Variants in RAB30 observed in about 807,000 individuals in gnomAD.
RAB30 encodes ras-related protein Rab-30.
In RAB30, 9 loss-of-function variants were observed where a neutral mutation model predicts 25.1. That is an observed-to-expected ratio of 0.36 (90% CI 0.22 to 0.63). The LOEUF (loss-of-function observed/expected upper bound fraction) is 0.63. Ranked by LOEUF, RAB30 falls within the 20% of genes least tolerant of loss-of-function variation. The pLI, the probability that RAB30 is intolerant of heterozygous loss-of-function variation, is 0.69. For synonymous variants in RAB30, 77 were observed against 86.4 expected, an observed-to-expected ratio of 0.89 and a Z score of 0.60; for missense variants, 140 against 243.5, an observed-to-expected ratio of 0.58 and a Z score of 2.83.
chr11:82,989,939 C>G (rs1856817543), intron 3 of RAB30, among the ~76,000 whole-genome samples: 1 of 152,210 alleles, frequency 6.6e-6, no homozygotes, highest in Non-Finnish European at 1.5e-5. Context: ...GAATAAAACA[C>G]AGGGAGGATA....
intron 1 of RAB30, among the ~76,000 whole-genome samples, chr11:83,047,931 T>C (rs79191289): frequency 0.016 from 2,432 of 152,268 alleles, 66 homozygotes; most frequent in East Asian, 0.09. Flanking sequence ...ATCTAGAGAT[T>C]CTGCCTTTTC....
chr11:83,006,560 C>T (rs563529480), intron 1 of RAB30, among the ~76,000 whole-genome samples: 1 of 152,330 alleles, frequency 6.6e-6, no homozygotes, highest in African/African-American at 2.4e-5. Context: ...TAATATTTAG[C>T]TCTTTCTAGG....
intron 1 of RAB30, among the ~76,000 whole-genome samples, chr11:83,009,935 A>T (rs1171239896): frequency 2.0e-5 from 3 of 152,162 alleles, no homozygotes; most frequent in Non-Finnish European, 2.9e-5. Flanking sequence ...CTATTTACTT[A>T]CTTTTACTTT....
chr11:82,975,548 T>C lies in RAB30; in HGVS notation c.*6617A>G, dbSNP rs1856531507. 1 of 152,132 alleles carries C rather than the reference T, an allele frequency of 6.6e-6. No individual in the cohort carries two copies. Among genetic ancestry groups the C allele is most frequent in the Non-Finnish European group, 1.5e-5 (1 of 67,998 alleles). 9.4% of individuals were successfully genotyped at this position (152,132 alleles called of 1,614,324 possible). A position where few individuals can be genotyped will look rare whatever the true frequency, so the allele number is the denominator to read the frequency against. Reference sequence around the variant, plus strand: ...TTTTGGATGTTGGTAATTATGTACATCAAATAATGTCATATATGAAATTAA... The same window carrying C: ...TTTTGGATGTTGGTAATTATGTACACCAAATAATGTCATATATGAAATTAA... On this transcript the variant is annotated 3_prime_UTR_variant, in exon 5 of 5. Transcript: ENST00000527633.
intron 4 of RAB30, among the ~76,000 whole-genome samples, chr11:82,985,648 G>T (rs1267241183): frequency 6.7e-6 from 1 of 150,252 alleles, no homozygotes; most frequent in African/African-American, 2.4e-5. Flanking sequence ...AAAAATGAGA[G>T]TGGAAACTTC....
At chr11:83,031,492 A>G (rs1032062866) in intron 1 of RAB30, among the ~76,000 whole-genome samples, 1 of 151,960 alleles carries the variant, frequency 6.6e-6, no homozygotes. Context: ...ACATTTGGGT[A>G]AGAATATTCC....
chr11:83,024,160 T>C (rs914128926), intron 1 of RAB30, among the ~76,000 whole-genome samples: 16 of 152,180 alleles, frequency 1.1e-4, no homozygotes, highest in Non-Finnish European at 7.3e-5. Flanking sequence ...ATCACCAACT[T>C]GAAAGGTTAG....
At position 82,973,375 on chromosome 11, in the gene RAB30, C is replaced by T. The variant is rs1360959780; in HGVS notation, c.*8790G>A. Reference sequence around the variant, plus strand: ...CAAACTTTTTTCAAGAAGCAAAGTCCAATTTTAAAAGACAGACAATATATA... The same window carrying T: ...CAAACTTTTTTCAAGAAGCAAAGTCTAATTTTAAAAGACAGACAATATATA... On this transcript the variant is annotated 3_prime_UTR_variant, in exon 5 of 5. Transcript: ENST00000527633. 6.6e-6 allele frequency: 1 copy of T among 152,042 alleles called. No individual in the cohort carries two copies. Among genetic ancestry groups the T allele is most frequent in the African/African-American group, 2.4e-5 (1 of 41,414 alleles). The allele number at this position is 152,042 out of a possible 1,614,324, so 9.4% of individuals were successfully genotyped here. A position where few individuals can be genotyped will look rare whatever the true frequency, so the allele number is the denominator to read the frequency against.
chr11:83,014,676 AAGAAAGAAAG>A (rs1372817860), intron 1 of RAB30, among the ~76,000 whole-genome samples: 258 of 145,852 alleles, frequency 1.8e-3, no homozygotes, highest in African/African-American at 6.4e-3. Flanking sequence ...GAAAGAAAGA[AAGAAAGAAAG>A]AAAGAAAGAG....
At chr11:82,982,723 G>A (rs1445432636) in intron 4 of RAB30, among the ~76,000 whole-genome samples, 1 of 152,078 alleles carries the variant, frequency 6.6e-6, no homozygotes, top group Non-Finnish European at 1.5e-5. Flanking sequence ...TTAGCCAGGT[G>A]TGGTGGCACG....
chr11:82,987,577 C>T lies in RAB30; in HGVS notation c.361+10G>A, dbSNP rs765197070. On this transcript the variant is annotated intron_variant, in intron 4 of 4. Coordinates refer to ENST00000527633, the MANE Select transcript of RAB30 (RefSeq NM_001286060.2). ...CAAATCAATTTCCCTCCTCGTTAGC[C>T]CTTACTTACCCACTAACACAGTGAT... 2 of 1,596,030 alleles carry T rather than the reference C, an allele frequency of 1.3e-6. No individual in the cohort carries two copies. The highest frequency in any genetic ancestry group is 1.3e-5 in the African/African-American group (1 of 74,324).
chr11:83,019,480 T>C (rs11233422), intron 1 of RAB30, among the ~76,000 whole-genome samples: 35,609 of 152,138 alleles, frequency 0.23, 4,566 homozygotes, highest in Admixed American at 0.29. Flanking sequence ...CTGTTTTCTA[T>C]GCCTACCCTG....
rs968165710 is a variant in RAB30 at position 82,977,737 on chromosome 11, T to C, written c.*4428A>G. The C allele has an allele frequency of 2.0e-5, 3 of 152,206 alleles. No homozygotes were observed. The highest frequency in any genetic ancestry group is 7.2e-5 in the African/African-American group (3 of 41,464). 9.4% of individuals were successfully genotyped at this position (152,206 alleles called of 1,614,324 possible). On this transcript the variant is annotated 3_prime_UTR_variant, in exon 5 of 5. Coordinates refer to ENST00000527633, the MANE Select transcript of RAB30 (RefSeq NM_001286060.2). ...TTAAATGGCTTGCATTTAAAATTCC[T>C]TCATCAGACTGGTAATGCCTCAATT...
chr11:83,071,240 G>T (rs961715621), intron 1 of RAB30: 1 of 152,144 alleles, frequency 6.6e-6, no homozygotes, highest in Non-Finnish European at 1.5e-5. Context: ...ACTAGTGCTC[G>T]TCCAAGCGAC....
chr11:83,006,029 C>G (rs1156231112), intron 1 of RAB30, among the ~76,000 whole-genome samples: 1 of 151,460 alleles, frequency 6.6e-6, no homozygotes, highest in Non-Finnish European at 1.5e-5. Context: ...ATAATTTTAA[C>G]TATATGTAGT....
rs895122485 is a variant in RAB30, at chr11:82,974,295, A to C, written c.*7870T>G. The stretch of plus-strand genomic sequence containing the variant: ...AAGAGATGCAACTTCATTTAAGAAT[A>C]TTTTGTTCAAGTTTGTATTCCCTCC... On this transcript the variant is annotated 3_prime_UTR_variant, in exon 5 of 5. Coordinates refer to ENST00000527633, the MANE Select transcript of RAB30 (RefSeq NM_001286060.2). The C allele has an allele frequency of 6.6e-6, 1 of 152,162 alleles. No homozygotes were observed. Among genetic ancestry groups the C allele is most frequent in the Non-Finnish European group, 1.5e-5 (1 of 68,018 alleles). The allele number at this position is 152,162 out of a possible 1,614,324, so 9.4% of individuals were successfully genotyped here. A position where few individuals can be genotyped will look rare whatever the true frequency, so the allele number is the denominator to read the frequency against.
chr11:83,017,234 G>A (rs2121507537), intron 1 of RAB30, among the ~76,000 whole-genome samples: 1 of 152,244 alleles, frequency 6.6e-6, no homozygotes, highest in East Asian at 1.9e-4. Context: ...AGCTACTAGA[G>A]GGTGAAGTGG....
At chr11:83,005,033 A>T (rs1394496316) in intron 1 of RAB30, among the ~76,000 whole-genome samples, 1 of 152,152 alleles carries the variant, frequency 6.6e-6, no homozygotes, top group Non-Finnish European at 1.5e-5. Flanking sequence ...CAAATGTCAA[A>T]CACCCACCTG....
At chr11:83,004,262 C>G (rs1209644082) in intron 1 of RAB30, among the ~76,000 whole-genome samples, 1 of 152,190 alleles carries the variant, frequency 6.6e-6, no homozygotes, top group Non-Finnish European at 1.5e-5. Flanking sequence ...AATAAGAAAT[C>G]CAGGTCATAT....
Sources: gnomAD v4.1 joint callset for allele counts (sites outside exome capture counted in the v4.1 genomes callset) on GRCh38, gnomAD v4.1.1 for gene constraint, MANE v1.5 for transcripts, NCBI Gene and HGNC (gene_info 2026-07-23, HGNC 2026-07-21) for gene names.